ACOT7: variants seen among roughly 807,000 people sequenced by gnomAD.
ACOT7 encodes acyl-CoA thioesterase 7.
A neutral mutation model predicts 40.2 loss-of-function variants in ACOT7; 12 were observed. The observed-to-expected ratio is 0.30, with a 90% confidence interval of 0.19 to 0.48. ACOT7 has a LOEUF of 0.48. Among genes scored for constraint, ACOT7 ranks in the 20% least tolerant of loss-of-function variants. ACOT7 has a pLI of 0.99. For missense variants in ACOT7, 395 were observed against 530.8 expected, an observed-to-expected ratio of 0.74 and a Z score of 2.51; for synonymous variants, 228 against 219.5, an observed-to-expected ratio of 1.04 and a Z score of -0.34.
chr1:6,269,483 C>A (rs769957475), intron 8 of ACOT7, among the ~76,000 whole-genome samples: 2 of 152,262 alleles, frequency 1.3e-5, no homozygotes, highest in Non-Finnish European at 2.9e-5. Context: ...GGCCATCGAG[C>A]ATTCCCAATG....
chr1:6,312,828 T>C (rs1483950737), intron 6 of ACOT7, among the ~76,000 whole-genome samples: 1 of 152,166 alleles, frequency 6.6e-6, no homozygotes, highest in Non-Finnish European at 1.5e-5. Flanking sequence ...CATAAATATA[T>C]ATACCTACTA....
At chr1:6,368,703 G>A (rs931179714) in intron 1 of ACOT7, among the ~76,000 whole-genome samples, 1 of 152,210 alleles carries the variant, frequency 6.6e-6, no homozygotes, top group Non-Finnish European at 1.5e-5. Flanking sequence ...GCCAGGGTCT[G>A]GAGCGGCAAG....
At chr1:6,340,263 GC>G (rs1641240833) in intron 2 of ACOT7, among the ~76,000 whole-genome samples, 2 of 152,194 alleles carry the variant, frequency 1.3e-5, no homozygotes, top group African/African-American at 4.8e-5. Context: ...ACCGCGCCCG[GC>G]CTAGCACCGC....
chr1:6,331,898 G>A (rs1207148815), intron 4 of ACOT7, among the ~76,000 whole-genome samples: 1 of 152,170 alleles, frequency 6.6e-6, no homozygotes, highest in African/African-American at 2.4e-5. Context: ...AGAAGAGACG[G>A]CAGGAAGCAG....
intron 2 of ACOT7, among the ~76,000 whole-genome samples, chr1:6,343,469 A>G (rs77191042): frequency 0.04 from 6,120 of 152,366 alleles, 272 homozygotes; most frequent in African/African-American, 0.11. Context: ...TAGAGCTGGC[A>G]AGGGTGGCCC....
intron 1 of ACOT7, among the ~76,000 whole-genome samples, chr1:6,387,514 T>C (rs3789463): frequency 0.14 from 21,698 of 152,164 alleles, 1,991 homozygotes; most frequent in African/African-American, 0.26. Flanking sequence ...GTTATTCCCA[T>C]GCAGGGGTCC....
chr1:6,268,598 C>T (rs1021460611), intron 8 of ACOT7, among the ~76,000 whole-genome samples: 8 of 152,202 alleles, frequency 5.3e-5, no homozygotes, highest in African/African-American at 1.7e-4. Flanking sequence ...CGCCAAGAGG[C>T]GCTAAGAGCT....
chr1:6,304,840 C>T (rs1187136911), intron 6 of ACOT7, among the ~76,000 whole-genome samples: 9 of 140,788 alleles, frequency 6.4e-5, no homozygotes, highest in Admixed American at 4.1e-4. Flanking sequence ...ATCTTTTCCC[C>T]ACCTTTCCCC....
intron 4 of ACOT7, among the ~76,000 whole-genome samples, chr1:6,331,448 G>A (rs1214247867): frequency 6.6e-6 from 1 of 152,230 alleles, no homozygotes; most frequent in Non-Finnish European, 1.5e-5. Flanking sequence ...AGGGATCCTC[G>A]CCTGGGGCCA....
At chr1:6,349,678 G>T in intron 2 of ACOT7, 71 bp downstream of exon 2, 1 of 1,454,476 alleles carries the variant, frequency 6.9e-7, no homozygotes, top group Non-Finnish European at 9.4e-7. Context: ...CTGGCTCCCC[G>T]GGGAACTCCT....
At chr1:6,273,376 G>A (rs938587739) in intron 8 of ACOT7, among the ~76,000 whole-genome samples, 1 of 152,198 alleles carries the variant, frequency 6.6e-6, no homozygotes, top group Admixed American at 6.5e-5. Context: ...GTTCCTAAGC[G>A]CTAACCAATG....
chr1:6,364,391 A>C (rs551118290), intron 1 of ACOT7, among the ~76,000 whole-genome samples: 1 of 151,660 alleles, frequency 6.6e-6, no homozygotes, highest in South Asian at 2.1e-4. Context: ...AAAATACAAA[A>C]TTAGCTGGGC....
At position 6,275,187 on chromosome 1, in the gene ACOT7, C is replaced by A. The variant is rs1236044540; in HGVS notation, c.1014+5915G>T. ...AGGAAGCCTCCCCTGCCCCTCCAGT[C>A]CCTTGCCCACCCAGGAGACAGGCAG... On this transcript the variant is annotated intron_variant, in intron 8 of 8. Transcript: ENST00000361521. This position sits in a 1 kb window ranked among gnomAD's most constrained non-coding sequence, Gnocchi z 5.6. Among the ~76,000 whole-genome samples the A allele has an allele frequency of 6.6e-6, 1 of 152,208 alleles. No homozygotes were observed. The highest frequency in any genetic ancestry group is 2.4e-5 in the African/African-American group (1 of 41,452).
In ACOT7 at chr1:6,292,280, C is replaced by T. The variant is rs145771360; in HGVS notation, c.829+2584G>A. ...CAGGAGGCCCCGGCCACAGCCGAGA[C>T]GAGGTGGGGGCCTGGGCGGCCCACT... On this transcript the variant is annotated intron_variant, in intron 7 of 8. Coordinates refer to ENST00000361521, the MANE Select transcript of ACOT7 (RefSeq NM_007274.4). Among the ~76,000 whole-genome samples the T allele has an allele frequency of 1.1e-3, 175 of 152,372 alleles. 1 individual carries two copies. Among genetic ancestry groups the T allele is most frequent in the African/African-American group, 3.9e-3 (163 of 41,578 alleles).
At chr1:6,298,877 T>C (rs922786224) in intron 6 of ACOT7, among the ~76,000 whole-genome samples, 2 of 152,196 alleles carry the variant, frequency 1.3e-5, no homozygotes, top group South Asian at 2.1e-4. Flanking sequence ...ATCATCCGTG[T>C]GTCAATATCG....
chr1:6,300,405 G>A (rs571085847), intron 6 of ACOT7, among the ~76,000 whole-genome samples: 6 of 151,742 alleles, frequency 4.0e-5, no homozygotes, highest in African/African-American at 1.2e-4. Flanking sequence ...GCCATGAGCC[G>A]TGAACTTTGT....
chr1:6,352,558 C>G lies in ACOT7; in HGVS notation c.144-2692G>C, dbSNP rs1407651013. 6.6e-6 allele frequency among the ~76,000 whole-genome samples: 1 copy of G among 152,084 alleles called. No homozygotes were observed. The highest frequency in any genetic ancestry group is 1.5e-5 in the Non-Finnish European group (1 of 68,006). On this transcript the variant is annotated intron_variant, in intron 1 of 8. Transcript: ENST00000361521. The surrounding 1 kb of genome is among the most constrained non-coding windows in gnomAD (Gnocchi z 4.5). ...GGTGAGAGCCAGGGAGCCAGGGAAG[C>G]TGCTGCGTCTCACTGGAGACTTCGT...
At chr1:6,339,357 T>A in intron 3 of ACOT7, 76 bp downstream of exon 3, 2 of 1,596,876 alleles carry the variant, frequency 1.3e-6, no homozygotes, top group South Asian at 2.2e-5. Context: ...TGGAGCGTCC[T>A]CTGCCCTCAG....
At position 6,330,874 on chromosome 1, in the gene ACOT7, G is replaced by T. The variant is rs1410300476; in HGVS notation, c.510+2603C>A. 1.3e-5 allele frequency among the ~76,000 whole-genome samples: 2 copies of T among 152,322 alleles called. No individual in the cohort carries two copies. The highest frequency in any genetic ancestry group is 3.9e-4 in the East Asian group (2 of 5,184). On this transcript the variant is annotated intron_variant, in intron 4 of 8. Transcript: ENST00000361521. This position sits in a 1 kb window ranked among gnomAD's most constrained non-coding sequence, Gnocchi z 4.6. ...ATGCACCATCAGATGCTGAAGCCAGGCATGGGGCCTGGGAGAGATTTCAGA... is the reference window on the plus strand; with the variant it reads ...ATGCACCATCAGATGCTGAAGCCAGTCATGGGGCCTGGGAGAGATTTCAGA...
Sources: gnomAD v4.1 joint callset for allele counts (sites outside exome capture counted in the v4.1 genomes callset) on GRCh38, gnomAD v4.1.1 for gene constraint, Gnocchi (gnomAD v3.1) non-coding constraint, MANE v1.5 for transcripts, NCBI Gene and HGNC (gene_info 2026-07-23, HGNC 2026-07-21) for gene names.